ANAPC7: variants seen among roughly 807,000 people sequenced by gnomAD.
ANAPC7 encodes anaphase promoting complex subunit 7.
ANAPC7 carries 25 observed loss-of-function variants against 63.3 expected under a neutral mutation model. The ratio of observed to expected loss-of-function variants is 0.39; its 90% CI spans 0.29 to 0.55. The LOEUF (loss-of-function observed/expected upper bound fraction) is 0.55. Among genes scored for constraint, ANAPC7 ranks in the 20% least tolerant of loss-of-function variants. ANAPC7 has a pLI of 0.57. For missense variants in ANAPC7, 516 were observed against 691.7 expected (o/e 0.75, Z 2.85); for synonymous variants, 241 against 251.7 (o/e 0.96, Z 0.40).
rs1414015426 is a variant in ANAPC7 at position 110,403,675 on chromosome 12, G to C, written c.-48C>G. The C allele has an allele frequency of 6.4e-7, 1 of 1,557,548 alleles. No individual in the cohort carries two copies. Among genetic ancestry groups the C allele is most frequent in the Non-Finnish European group, 8.7e-7 (1 of 1,150,116 alleles). On this transcript the variant is annotated 5_prime_UTR_variant, in exon 1 of 11. Transcript: ENST00000455511. ...AGCGGCGGCAGCACTGACTCGAAAA[G>C]CCGGTAGAGGATCCTTAGGGAAGAC...
chr12:110,389,887 G>A lies in ANAPC7; in HGVS notation c.409-1264C>T, dbSNP rs536265582. Among the ~76,000 whole-genome samples, 228 of 151,538 alleles carry A rather than the reference G, an allele frequency of 1.5e-3. 1 individual carries two copies. Among genetic ancestry groups the A allele is most frequent in the Non-Finnish European group, 2.7e-3 (181 of 67,904 alleles). On this transcript the variant is annotated intron_variant, in intron 3 of 10. Transcript: ENST00000455511. The stretch of plus-strand genomic sequence containing the variant: ...GCAGAGCTTGCAGTGAGCCGAGATC[G>A]TGCCACTGCACTCCAGACTGGGAGA...
intron 3 of ANAPC7, among the ~76,000 whole-genome samples, chr12:110,390,579 AATATAGC>A (rs1362595478): frequency 6.6e-6 from 1 of 152,200 alleles, no homozygotes; most frequent in Non-Finnish European, 1.5e-5. Flanking sequence ...AAAACAATCT[AATATAGC>A]ATTGATTCAC....
chr12:110,377,313 A>G, intron 9 of ANAPC7, 80 bp downstream of exon 9: 1 of 1,234,658 alleles, frequency 8.1e-7, no homozygotes, highest in Non-Finnish European at 1.2e-6. Flanking sequence ...ATCTGTAACT[A>G]GCTGGGACAA....
chr12:110,389,678 T>TAATA (rs1882932093), intron 3 of ANAPC7, among the ~76,000 whole-genome samples: 1 of 152,136 alleles, frequency 6.6e-6, no homozygotes, highest in African/African-American at 2.4e-5. Flanking sequence ...ATGCCTGTAA[T>TAATA]CCCAGCACTT....
chr12:110,399,267 G>A (rs531319971), intron 1 of ANAPC7, among the ~76,000 whole-genome samples: 2 of 151,894 alleles, frequency 1.3e-5, no homozygotes, highest in South Asian at 2.1e-4. Flanking sequence ...TGATCCACCC[G>A]CCTCAGCCTC....
intron 8 of ANAPC7, among the ~76,000 whole-genome samples, chr12:110,381,487 C>A (rs1881840976): frequency 6.6e-6 from 1 of 152,138 alleles, no homozygotes; most frequent in African/African-American, 2.4e-5. Context: ...CAGGTGTGAG[C>A]CACCATGCCC....
At position 110,397,537 on chromosome 12, in the gene ANAPC7, G is replaced by A. The variant is rs183285866; in HGVS notation, c.102-1085C>T. On this transcript the variant is annotated intron_variant, in intron 1 of 10. Coordinates refer to ENST00000455511, the MANE Select transcript of ANAPC7 (RefSeq NM_016238.3). The stretch of plus-strand genomic sequence containing the variant: ...CACTGCACTCGCACTCCAGCCTGGC[G>A]ACAGAGCGAGATCTCGTCTCAAAAA... Among the ~76,000 whole-genome samples, 10 of 143,400 alleles carry A rather than the reference G, an allele frequency of 7.0e-5. No homozygotes were observed. In the East Asian group the frequency reaches 1.2e-3, roughly 17 times the overall value. 94.1% of individuals were successfully genotyped at this position (143,400 alleles called of 152,430 possible). A position where few individuals can be genotyped will look rare whatever the true frequency, so the allele number is the denominator to read the frequency against.
intron 8 of ANAPC7, among the ~76,000 whole-genome samples, chr12:110,381,073 C>G (rs1429742548): frequency 6.6e-6 from 1 of 151,598 alleles, no homozygotes; most frequent in East Asian, 1.9e-4. Flanking sequence ...AAAAAAAACC[C>G]CATCCCAACT....
chr12:110,387,784 GC>G lies in ANAPC7; in HGVS notation c.628del (p.Ala210LeufsTer18), dbSNP rs1397158648. The G allele has an allele frequency of 1.9e-6, 3 of 1,614,030 alleles. No homozygotes were observed. In the African/African-American group the frequency reaches 4.0e-5, roughly 22 times the overall value. ...TGAGTTGTCACCAGTGTGCACAAAA[GC>G]ATACGCTTTGATCCACACAGAGAGC... Reference protein sequence around the residue: ...DWLSVWIKAYAFVHTGDNSRA... With the variant: ...DWLSVWIKAYXFVHTGDNSRA... On this transcript the variant is annotated frameshift_variant, in exon 5 of 11. Coordinates refer to ENST00000455511, the MANE Select transcript of ANAPC7 (RefSeq NM_016238.3). LOFTEE classifies it high-confidence loss of function.
chr12:110,375,843 G>A, intron 10 of ANAPC7: 1 of 1,243,248 alleles, frequency 8.0e-7, no homozygotes, highest in Non-Finnish European at 1.0e-6. Flanking sequence ...ATAGTGGTGT[G>A]GGATGGTTAT....
At chr12:110,383,072 G>A (rs1388498111) in intron 6 of ANAPC7, 112 bp from the exon 7 acceptor site, 5 of 712,522 alleles carry the variant, frequency 7.0e-6, no homozygotes, top group Non-Finnish European at 1.2e-5. Context: ...AGCTCCTGCA[G>A]GGGCTAAGCC....
At chr12:110,388,471 A>G in intron 4 of ANAPC7, 41 bp downstream of exon 4, 1 of 1,481,742 alleles carries the variant, frequency 6.7e-7, no homozygotes, top group Non-Finnish European at 9.4e-7. Context: ...ACTATCTTTG[A>G]CAGTAAACAT....
rs185751816 is a variant in ANAPC7 at position 110,394,984 on chromosome 12, G to T, written c.408+117C>A. ...CCCACTCCATGAAGAGGAAGAAAAT[G>T]AGAATTAGAATCATGGGTAAAATGT... On this transcript the variant is annotated intron_variant, in intron 3 of 10. Transcript: ENST00000455511. 9 of 1,262,336 alleles carry T rather than the reference G, an allele frequency of 7.1e-6. No homozygotes were observed. The East Asian group carries it at 2.2e-4, about 31-fold the overall frequency. The allele number at this position is 1,262,336 out of a possible 1,614,324, so 78.2% of individuals were successfully genotyped here. A position where few individuals can be genotyped will look rare whatever the true frequency, so the allele number is the denominator to read the frequency against.
intron 6 of ANAPC7, among the ~76,000 whole-genome samples, chr12:110,385,943 C>A (rs1306789927): frequency 6.6e-6 from 1 of 152,104 alleles, no homozygotes; most frequent in Non-Finnish European, 1.5e-5. Context: ...CTTTCTTATT[C>A]CTTTTTAATT....
At chr12:110,403,100 G>C (rs931935972) in intron 1 of ANAPC7, among the ~76,000 whole-genome samples, 1 of 152,106 alleles carries the variant, frequency 6.6e-6, no homozygotes, top group Non-Finnish European at 1.5e-5. Flanking sequence ...CTTAACGGGG[G>C]GACCAATCTC....
chr12:110,403,130 T>C (rs2062257243), intron 1 of ANAPC7, among the ~76,000 whole-genome samples: 1 of 151,990 alleles, frequency 6.6e-6, no homozygotes, highest in Admixed American at 6.6e-5. Flanking sequence ...GGCTAGCGCA[T>C]AAAAACCAGG....
In ANAPC7 at chr12:110,381,932, T is replaced by C; in HGVS notation, c.952A>G (p.Ser318Gly). 1 of 1,438,364 alleles carries C rather than the reference T, an allele frequency of 7.0e-7. No homozygotes were observed. The allele number at this position is 1,438,364 out of a possible 1,614,324, so 89.1% of individuals were successfully genotyped here. The change falls in exon 8 of 11, where the codon AGC becomes GGC. Residue 318 changes from serine to glycine, a missense_variant. By Grantham distance (56) the Ser-to-Gly change is moderately conservative. Around this residue, in one of 4 missense-constraint regions of ANAPC7, gnomAD observed 199 missense variants for 249.3 expected, o/e 0.80. Coordinates refer to ENST00000455511, the MANE Select transcript of ANAPC7 (RefSeq NM_016238.3). ...TAGAGGGCCCGGGAGTAGCGTTTGC[T>C]ATAGAAGCTGTGACAGCTGGAGAAA... ...WVVSGCHSFYSKRYSRALYLG... is the reference protein window; with the variant it reads ...WVVSGCHSFYGKRYSRALYLG...
intron 9 of ANAPC7, 43 bp downstream of exon 9, chr12:110,377,350 T>C: frequency 6.4e-7 from 1 of 1,568,488 alleles, no homozygotes; most frequent in Non-Finnish European, 8.7e-7. Context: ...TCAGGTTTTA[T>C]AAAAATTAAT....
chr12:110,397,388 A>G (rs1046519472), intron 1 of ANAPC7, among the ~76,000 whole-genome samples: 1 of 150,144 alleles, frequency 6.7e-6, no homozygotes. Flanking sequence ...CCCCAGCTCT[A>G]CTAAAAATAC....
Sources: allele counts gnomAD v4.1 joint callset (sites outside exome capture counted in the v4.1 genomes callset), GRCh38; gene constraint gnomAD v4.1.1; regional missense constraint gnomAD v4.1.1; transcripts MANE v1.5; gene names NCBI Gene and HGNC (gene_info 2026-07-23, HGNC 2026-07-21).